VPS8: variants seen among roughly 807,000 people sequenced by gnomAD.
The protein encoded by VPS8 is VPS8 subunit of CORVET complex, also known as vacuolar protein sorting-associated protein 8 homolog.
In VPS8, 129 loss-of-function variants were observed where a neutral mutation model predicts 216.4. The ratio of observed to expected loss-of-function variants is 0.60; its 90% CI spans 0.52 to 0.69. The LOEUF is 0.69. Among genes scored for constraint, VPS8 ranks in the 30% least tolerant of loss-of-function variants. The pLI is 0.00. For missense variants in VPS8, 1,531 were observed against 1,683.5 expected (o/e 0.91, Z 1.59); for synonymous variants, 571 against 565.4 (o/e 1.01, Z -0.14).
chr3:184,968,139 A>G (rs1445175344), intron 39 of VPS8, among the ~76,000 whole-genome samples: 3 of 152,118 alleles, frequency 2.0e-5, no homozygotes, highest in Admixed American at 6.6e-5. Flanking sequence ...ATGAAATTAT[A>G]TAGTGTTTGT....
chr3:184,974,145 G>C (rs1388779858), intron 40 of VPS8, among the ~76,000 whole-genome samples: 1 of 152,104 alleles, frequency 6.6e-6, no homozygotes, highest in Non-Finnish European at 1.5e-5. Flanking sequence ...CAAAATGGCT[G>C]TACTAATTTA....
chr3:184,911,141 G>C (rs1486203827), intron 25 of VPS8, among the ~76,000 whole-genome samples: 1 of 152,116 alleles, frequency 6.6e-6, no homozygotes, highest in Non-Finnish European at 1.5e-5. Flanking sequence ...GAAGATATTG[G>C]GAAGAGAAAG....
chr3:184,913,474 G>T, intron 25 of VPS8, 45 bp from the exon 26 acceptor site: 1 of 1,497,474 alleles, frequency 6.7e-7, no homozygotes, highest in Non-Finnish European at 9.1e-7. Flanking sequence ...TTTCTGAAAA[G>T]GTTTTGAGAG....
rs960952277 is a variant in VPS8 at position 184,900,862 on chromosome 3, T to A, written c.2095-59T>A. ...GGTGATGAATAGCATAAGATTCTTA[T>A]TTTTTAAATAATATCATTTGAGATG... On this transcript the variant is annotated intron_variant, in intron 24 of 47. Transcript: ENST00000625842. The A allele has an allele frequency of 2.1e-6, 3 of 1,450,162 alleles. No individual in the cohort carries two copies. In the Admixed American group the frequency reaches 6.3e-5, roughly 30 times the overall value. The allele number at this position is 1,450,162 out of a possible 1,614,324, so 89.8% of individuals were successfully genotyped here. A position where few individuals can be genotyped will look rare whatever the true frequency, so the allele number is the denominator to read the frequency against.
chr3:184,961,559 C>A (rs1269700943), intron 37 of VPS8, among the ~76,000 whole-genome samples: 1 of 151,988 alleles, frequency 6.6e-6, no homozygotes, highest in African/African-American at 2.4e-5. Flanking sequence ...CTTATTCCCC[C>A]CTCTCCCCTG....
chr3:184,812,657 A>G (rs891823454), intron 1 of VPS8: 1 of 152,048 alleles, frequency 6.6e-6, no homozygotes, highest in Non-Finnish European at 1.5e-5. Flanking sequence ...CTACTTTGCG[A>G]CTATAATTGC....
intron 21 of VPS8, among the ~76,000 whole-genome samples, chr3:184,880,036 A>G (rs562905282): frequency 1.3e-5 from 2 of 152,300 alleles, no homozygotes; most frequent in South Asian, 4.1e-4. Flanking sequence ...GCCTTAATTG[A>G]GTTAGGAACA....
At chr3:184,872,339 CTTCT>C (rs1289759124) in intron 21 of VPS8, among the ~76,000 whole-genome samples, 4 of 151,914 alleles carry the variant, frequency 2.6e-5, no homozygotes, top group African/African-American at 9.7e-5. Flanking sequence ...TGGTAGAGAG[CTTCT>C]TTCTAAAAGA....
At chr3:184,865,086 G>A (rs998033997) in intron 16 of VPS8, among the ~76,000 whole-genome samples, 16 of 152,068 alleles carry the variant, frequency 1.1e-4, no homozygotes, top group African/African-American at 3.4e-4. Context: ...CAGAAAAAAC[G>A]ATTCATGAAT....
intron 44 of VPS8, among the ~76,000 whole-genome samples, chr3:184,999,338 C>T (rs1201401048): frequency 6.6e-6 from 1 of 152,186 alleles, no homozygotes; most frequent in African/African-American, 2.4e-5. Flanking sequence ...GGATTACAGG[C>T]GTGAGCCACC....
At chr3:185,002,447 T>C (rs560415364) in intron 45 of VPS8, among the ~76,000 whole-genome samples, 2 of 152,334 alleles carry the variant, frequency 1.3e-5, no homozygotes, top group East Asian at 3.9e-4. Context: ...TTAATTTTAT[T>C]TTTAAATTTT....
intron 2 of VPS8, chr3:184,825,006 A>C: frequency 2.0e-6 from 1 of 504,404 alleles, no homozygotes; most frequent in Non-Finnish European, 3.6e-6. Context: ...CCTGGGCTCA[A>C]GTGATCCTCC....
At chr3:184,943,338 C>G (rs960388359) in intron 36 of VPS8, among the ~76,000 whole-genome samples, 1 of 152,164 alleles carries the variant, frequency 6.6e-6, no homozygotes, top group Non-Finnish European at 1.5e-5. Context: ...AAGAAGAAAG[C>G]GCAGAGCACA....
At chr3:184,891,351 A>T (rs907917128) in intron 22 of VPS8, among the ~76,000 whole-genome samples, 1 of 152,152 alleles carries the variant, frequency 6.6e-6, no homozygotes, top group African/African-American at 2.4e-5. Context: ...AAACAAAAAG[A>T]TCTTAATTAT....
chr3:184,890,544 T>C (rs1038448702), intron 22 of VPS8, among the ~76,000 whole-genome samples: 1 of 152,192 alleles, frequency 6.6e-6, no homozygotes, highest in Non-Finnish European at 1.5e-5. Context: ...TACACTATAA[T>C]CACTGTTACC....
chr3:184,828,448 T>TA (rs1484933400), intron 3 of VPS8, among the ~76,000 whole-genome samples: 1 of 152,164 alleles, frequency 6.6e-6, no homozygotes, highest in Non-Finnish European at 1.5e-5. Flanking sequence ...CGATGCTTTT[T>TA]AAAGTAGAAA....
chr3:185,050,881 C>T (rs1347576823), intron 47 of VPS8, among the ~76,000 whole-genome samples: 2 of 152,150 alleles, frequency 1.3e-5, no homozygotes, highest in Admixed American at 6.5e-5. Context: ...GTAGTGGACA[C>T]AGTGGCCCAT....
chr3:184,932,471 C>T (rs1740855850), intron 34 of VPS8, among the ~76,000 whole-genome samples: 1 of 152,108 alleles, frequency 6.6e-6, no homozygotes, highest in South Asian at 2.1e-4. Context: ...GTACATAAAA[C>T]AAATGTATAG....
At chr3:184,824,396 C>G (rs1050601825) in intron 1 of VPS8, 149 bp from the exon 2 acceptor site, 6 of 487,626 alleles carry the variant, frequency 1.2e-5, no homozygotes, top group African/African-American at 1.2e-4. Flanking sequence ...AATAACATAC[C>G]CTGTACCCCA....
Sources: allele counts gnomAD v4.1 joint callset (sites outside exome capture counted in the v4.1 genomes callset), GRCh38; gene constraint gnomAD v4.1.1; transcripts MANE v1.5; gene names NCBI Gene and HGNC (gene_info 2026-07-23, HGNC 2026-07-21).